SYNPO2L: variants seen among roughly 807,000 people sequenced by gnomAD.
SYNPO2L encodes synaptopodin 2-like protein.
In SYNPO2L, 34 loss-of-function variants were observed where a neutral mutation model predicts 47.5. The observed-to-expected ratio is 0.72, with a 90% CI of 0.54 to 0.95. The LOEUF (loss-of-function observed/expected upper bound fraction) is 0.95, where lower values mean the gene tolerates loss of function less well. SYNPO2L is among the 40% of genes least tolerant of loss of function. The pLI is 0.00. For missense variants in SYNPO2L, 1,246 were observed against 1,282.0 expected, an observed-to-expected ratio of 0.97 and a Z score of 0.43; for synonymous variants, 536 against 524.9, an observed-to-expected ratio of 1.02 and a Z score of -0.29.
intron 1 of SYNPO2L, among the ~76,000 whole-genome samples, chr10:73,655,038 G>A (rs916443459): frequency 6.6e-6 from 1 of 151,982 alleles, no homozygotes; most frequent in African/African-American, 2.4e-5. Flanking sequence ...TGATTATTTG[G>A]GTATATGTGT....
At chr10:73,655,043 A>G (rs1233155404) in intron 1 of SYNPO2L, among the ~76,000 whole-genome samples, 2 of 152,156 alleles carry the variant, frequency 1.3e-5, no homozygotes, top group Non-Finnish European at 2.9e-5. Context: ...ATTTGGGTAT[A>G]TGTGTGCCAT....
Position 73,648,716 on chromosome 10 carries a change from G to T in SYNPO2L, c.936C>A (p.Ser312Arg). Residue 312 changes from serine (S) to arginine (R), a missense_variant, in exon 4 of 4, where the codon AGC (serine) becomes AGA (arginine). By Grantham distance (110) the Ser-to-Arg change is moderately radical (BLOSUM62 -1). Coordinates refer to ENST00000394810, the MANE Select transcript of SYNPO2L (RefSeq NM_001114133.3). ...RQRAKKYTLV[S>R]FGAAAGTGAE... ...CGCCTGTCCCAGCAGCAGCCCCGAA[G>T]CTCACCAGGGTGTACTTCTTGGCTC... The T allele has an allele frequency of 6.2e-7, 1 of 1,611,362 alleles. No homozygotes were observed. The highest frequency in any genetic ancestry group is 1.3e-5 in the African/African-American group (1 of 75,032).
In SYNPO2L at chr10:73,645,088, A is replaced by G. The variant is rs1349303360; in HGVS notation, c.*1630T>C. 3.2e-6 allele frequency: 4 copies of G among 1,250,658 alleles called. No individual in the cohort carries two copies. The highest frequency in any genetic ancestry group is 4.1e-6 in the Non-Finnish European group (4 of 970,250). 77.5% of individuals were successfully genotyped at this position (1,250,658 alleles called of 1,614,324 possible). On this transcript the variant is annotated 3_prime_UTR_variant, in exon 4 of 4. Coordinates refer to ENST00000394810, the MANE Select transcript of SYNPO2L (RefSeq NM_001114133.3). ...CTGGGGTTTTGAGGGATGGGGTGGGACTGAAAGGAGGTTTTGGCTCTGGGT... is the reference window on the plus strand; with the variant it reads ...CTGGGGTTTTGAGGGATGGGGTGGGGCTGAAAGGAGGTTTTGGCTCTGGGT...
rs754810875 is a variant in SYNPO2L at position 73,647,699 on chromosome 10, C to A, written c.1953G>T (p.Glu651Asp). ...CCAGGTTCTGTACCAGCGATAGCAG[C>A]TCGGGGTTGGGCGAGTTCTTCGTCT... ...KEETKNSPNP[E>D]LLSLVQNLDE... The change falls in exon 4 of 4, where the codon GAG becomes GAT. Residue 651 changes from glutamate (E) to aspartate (D), a missense_variant. This residue lies in a region of SYNPO2L where 1,037 missense variants were observed against 1,021.5 expected (regional missense o/e 1.02). Transcript: ENST00000394810. 1 of 1,614,160 alleles carries A rather than the reference C, an allele frequency of 6.2e-7. No individual in the cohort carries two copies.
chr10:73,653,360 G>C lies in SYNPO2L; in HGVS notation c.551C>G (p.Pro184Arg), dbSNP rs1181034292. Residue 184 changes from proline (P) to arginine (R), a missense_variant, in exon 3 of 4, where the codon CCA becomes CGA. Around this residue, in one of 3 missense-constraint regions of SYNPO2L, gnomAD observed 148 missense variants for 204.8 expected, o/e 0.72. Transcript: ENST00000394810. ...GGGAGGGCCAGGGATAGTAGGTGCT[G>C]GCTCTGCAGGGCTGTCAGACAGGTA... ...EVYLSDSPAE[P>R]APTIPGPPSQ... 7.1e-6 allele frequency: 11 copies of C among 1,551,458 alleles called. No individual in the cohort carries two copies. The Admixed American group carries it at 1.8e-4, about 25-fold the overall frequency.
rs1328908280 is a variant in SYNPO2L, at chr10:73,655,858, T to A, written c.65A>T (p.His22Leu). The stretch of plus-strand genomic sequence containing the variant: ...CGGTTTCCTCTGCTCGGCCCCCCCA[T>A]GAAGTCGGAAGCCCCAGGGGGCTCC... ...SGGAPWGFRL[H>L]GGAEQRKPLQ... The change falls in exon 1 of 4, where the codon CAT becomes CTT. Residue 22 changes from histidine to leucine, a missense_variant. His to Leu is a moderately conservative substitution (Grantham distance 99). This residue lies in a region of SYNPO2L where 61 missense variants were observed against 55.6 expected (regional missense o/e 1.10). Transcript: ENST00000394810. 3 of 1,551,036 alleles carry A rather than the reference T, an allele frequency of 1.9e-6. No individual in the cohort carries two copies. The South Asian group carries it at 3.6e-5, about 18-fold the overall frequency.
chr10:73,648,248 G>A lies in SYNPO2L; in HGVS notation c.1404C>T (p.Ala468=), dbSNP rs1279963022. 4 of 1,594,880 alleles carry A rather than the reference G, an allele frequency of 2.5e-6. No homozygotes were observed. Among genetic ancestry groups the A allele is most frequent in the Middle Eastern group, 3.3e-4 (2 of 6,034 alleles). The change falls in exon 4 of 4, where the codon GCC becomes GCT. Residue 468 remains alanine, a synonymous_variant. Coordinates refer to ENST00000394810, the MANE Select transcript of SYNPO2L (RefSeq NM_001114133.3). ...TPAPSIFNRS[A]RPFTPGLQGQ... Reference sequence around the variant, plus strand: ...CTTGTAGGCCCGGGGTAAAGGGCCTGGCTGACCGGTTAAAGATGCTTGGAG... The same window carrying A: ...CTTGTAGGCCCGGGGTAAAGGGCCTAGCTGACCGGTTAAAGATGCTTGGAG...
Position 73,647,947 on chromosome 10 carries a change from CG to C in SYNPO2L, c.1704del (p.Ala569LeufsTer8). 6.5e-7 allele frequency: 1 copy of C among 1,530,832 alleles called. No individual in the cohort carries two copies. 94.8% of individuals were successfully genotyped at this position (1,530,832 alleles called of 1,614,324 possible). On this transcript the variant is annotated frameshift_variant, in exon 4 of 4. Coordinates refer to ENST00000394810, the MANE Select transcript of SYNPO2L (RefSeq NM_001114133.3). LOFTEE classifies it high-confidence loss of function. ...GTCATGGCAGCTGCGCTAGGAGGAG[CG>C]GGGGGCTCTGGAGCTCCACCTGGGG... ...PVTPGGAPEPPAPPSAAAMTS... is the reference protein window; with the variant it reads ...PVTPGGAPEPXAPPSAAAMTS...
chr10:73,650,927 G>C (rs1436053210), intron 3 of SYNPO2L: 1 of 1,613,494 alleles, frequency 6.2e-7, no homozygotes, highest in South Asian at 1.1e-5. Context: ...ACGAGTCTTG[G>C]AGCTCAGGAA....
rs544313623 is a variant in SYNPO2L at position 73,648,782 on chromosome 10, G to A, written c.870C>T (p.Pro290=). The stretch of plus-strand genomic sequence containing the variant: ...TAAACATAAGTACCCCTTTGGAGTG[G>A]GGGTTGGGGGCTGCAGTGAGCAGGG... ...IASLLTAAPN[P]HSKGVLMFKK... The change falls in exon 4 of 4, where the codon CCC becomes CCT. Residue 290 remains proline (P), a synonymous_variant. Transcript: ENST00000394810. 11 of 1,608,506 alleles carry A rather than the reference G, an allele frequency of 6.8e-6. No homozygotes were observed. The East Asian group carries it at 1.6e-4, about 23-fold the overall frequency.
chr10:73,649,770 T>A (rs2081823869), intron 3 of SYNPO2L: 1 of 985,312 alleles, frequency 1.0e-6, no homozygotes, highest in African/African-American at 1.7e-5. Context: ...GCCTTCCAAC[T>A]GCCAGGGCAG....
chr10:73,652,606 G>A (rs535342598), intron 3 of SYNPO2L, among the ~76,000 whole-genome samples: 9 of 152,244 alleles, frequency 5.9e-5, no homozygotes, highest in Admixed American at 5.2e-4. Context: ...GGAGGCGGAG[G>A]TTGCAATGAG....
Position 73,646,170 on chromosome 10 carries a change from A to G in SYNPO2L, c.*548T>C. 1 of 964,770 alleles carries G rather than the reference A, an allele frequency of 1.0e-6. No individual in the cohort carries two copies. The allele number at this position is 964,770 out of a possible 1,614,324, so 59.8% of individuals were successfully genotyped here. On this transcript the variant is annotated 3_prime_UTR_variant, in exon 4 of 4. Coordinates refer to ENST00000394810, the MANE Select transcript of SYNPO2L (RefSeq NM_001114133.3). The stretch of plus-strand genomic sequence containing the variant: ...ACCTCCCCTCTTATTCATGCCTTAG[A>G]CGGAAGAGCACACACACACACACAC...
chr10:73,651,096 G>A (rs1044138598), intron 3 of SYNPO2L: 3 of 1,446,190 alleles, frequency 2.1e-6, no homozygotes, highest in Non-Finnish European at 2.7e-6. Flanking sequence ...CCCAGAGCTG[G>A]CAGCTGAATG....
chr10:73,648,961 C>T, intron 3 of SYNPO2L, 82 bp from the exon 4 acceptor site: 1 of 1,412,286 alleles, frequency 7.1e-7, no homozygotes, highest in Non-Finnish European at 9.2e-7. Context: ...CACCCCCCAT[C>T]CCAGCAAGCT....
rs1458782578 is a variant in SYNPO2L at position 73,646,138 on chromosome 10, T to G, written c.*580A>C. On this transcript the variant is annotated 3_prime_UTR_variant, in exon 4 of 4. Transcript: ENST00000394810. Reference sequence around the variant, plus strand: ...CGTGCCCGGCCTCAGATTGGGTCTTTATTTTGACCTCCCCTCTTATTCATG... The same window carrying G: ...CGTGCCCGGCCTCAGATTGGGTCTTGATTTTGACCTCCCCTCTTATTCATG... The G allele has an allele frequency of 1.0e-6, 1 of 986,242 alleles. No individual in the cohort carries two copies. The highest frequency in any genetic ancestry group is 1.2e-6 in the Non-Finnish European group (1 of 830,938). 61.1% of individuals were successfully genotyped at this position (986,242 alleles called of 1,614,324 possible).
At chr10:73,649,633 G>T in intron 3 of SYNPO2L, 1 of 753,664 alleles carries the variant, frequency 1.3e-6, no homozygotes, top group Non-Finnish European at 1.6e-6. Flanking sequence ...ACACATGTGT[G>T]CACATCAAAA....
chr10:73,645,162 C>A lies in SYNPO2L; in HGVS notation c.*1556G>T. On this transcript the variant is annotated 3_prime_UTR_variant, in exon 4 of 4. Coordinates refer to ENST00000394810, the MANE Select transcript of SYNPO2L (RefSeq NM_001114133.3). ...GTCATGGCAAGCTGCAGAAGACACA[C>A]TGAAGAACAGACTCAAGGAAAATCA... 1 of 1,190,600 alleles carries A rather than the reference C, an allele frequency of 8.4e-7. No individual in the cohort carries two copies. The highest frequency in any genetic ancestry group is 1.1e-6 in the Non-Finnish European group (1 of 943,676). 73.8% of individuals were successfully genotyped at this position (1,190,600 alleles called of 1,614,324 possible). A position where few individuals can be genotyped will look rare whatever the true frequency, so the allele number is the denominator to read the frequency against.
In SYNPO2L at chr10:73,646,848, G is replaced by A. The variant is rs753684916; in HGVS notation, c.2804C>T (p.Pro935Leu). 4 of 1,551,124 alleles carry A rather than the reference G, an allele frequency of 2.6e-6. No homozygotes were observed. The South Asian group carries it at 4.9e-5, about 19-fold the overall frequency. Residue 935 changes from proline to leucine, a missense_variant, in exon 4 of 4, where the codon CCT becomes CTT. By Grantham distance (98) the Pro-to-Leu change is moderately conservative. Transcript: ENST00000394810. ...CCCAAGGCCCCTGGGAGCCTCTGGA[G>A]GAGGGGCTGGGCTAGGAACAGGGGC... ...ASAPVPSPAP[P>L]PEAPRGLGAS...
Sources: gnomAD v4.1 joint callset for allele counts (sites outside exome capture counted in the v4.1 genomes callset) on GRCh38, gnomAD v4.1.1 for gene constraint, gnomAD v4.1.1 regional missense constraint, MANE v1.5 for transcripts, NCBI Gene and HGNC (gene_info 2026-07-23, HGNC 2026-07-21) for gene names.